Variants in STIM2 observed in about 807,000 individuals in gnomAD.
STIM2 encodes stromal interaction molecule 2.
STIM2 carries 31 observed loss-of-function variants against 85.8 expected under a neutral mutation model. That is an observed-to-expected ratio of 0.36 (90% CI 0.27 to 0.49). STIM2 has a LOEUF of 0.49. STIM2 is among the 20% of genes least tolerant of loss of function. The pLI, the probability that STIM2 is intolerant of heterozygous loss-of-function variation, is 0.98. For missense variants in STIM2, 841 were observed against 927.6 expected (o/e 0.91, Z 1.21); for synonymous variants, 356 against 331.1 (o/e 1.08, Z -0.82).
intron 3 of STIM2, among the ~76,000 whole-genome samples, chr4:26,981,301 G>A (rs1311839613): frequency 6.6e-6 from 1 of 152,152 alleles, no homozygotes; most frequent in Non-Finnish European, 1.5e-5. Context: ...AACAGTATTT[G>A]ATAGCTAATA....
rs147572762 is a variant in STIM2 at position 26,874,232 on chromosome 4, AG to A, written c.151+12867del. 723 of 443,946 alleles carry A rather than the reference AG, an allele frequency of 1.6e-3. 8 individuals carry two copies. Among genetic ancestry groups the A allele is most frequent in the African/African-American group, 0.014 (673 of 48,838 alleles). The allele number at this position is 443,946 out of a possible 1,614,324, so 27.5% of individuals were successfully genotyped here. ...TGCACAGGGAACCCAGGGCTGCGGCAGGGGTCTCCTGGATGGCTGGCCACAG... is the reference window on the plus strand; with the variant it reads ...TGCACAGGGAACCCAGGGCTGCGGCAGGGTCTCCTGGATGGCTGGCCACAG... On this transcript the variant is annotated intron_variant, in intron 1 of 11. Transcript: ENST00000467087.
chr4:26,861,320 C>G lies in STIM2; in HGVS notation c.102C>G (p.Ala34=), dbSNP rs1372594181. The G allele has an allele frequency of 1.1e-5, 15 of 1,405,278 alleles. No homozygotes were observed. The highest frequency in any genetic ancestry group is 3.0e-5 in the African/African-American group (2 of 66,584). 87.1% of individuals were successfully genotyped at this position (1,405,278 alleles called of 1,614,324 possible). The change falls in exon 1 of 12, where the codon GCC becomes GCG. Residue 34 remains alanine, a synonymous_variant. Coordinates refer to ENST00000467087, the MANE Select transcript of STIM2 (RefSeq NM_020860.4). ...GGGCGACTGGCTCTGCCGCAACTGC[C>G]GCCTCCTCTCCCGCCGCGGCGGCCG... is the stretch of plus-strand genomic sequence containing the variant.
At chr4:26,885,256 A>C (rs1419221986) in intron 1 of STIM2, among the ~76,000 whole-genome samples, 1 of 152,216 alleles carries the variant, frequency 6.6e-6, no homozygotes, top group Non-Finnish European at 1.5e-5. Context: ...TCAAATCATC[A>C]GTATACAGCT....
chr4:26,886,907 G>T (rs1293563748), intron 1 of STIM2, among the ~76,000 whole-genome samples: 1 of 152,126 alleles, frequency 6.6e-6, no homozygotes, highest in African/African-American at 2.4e-5. Flanking sequence ...GCTTTTGTCC[G>T]GGGAGAGAAA....
At chr4:26,903,091 A>C (rs1336561627) in intron 1 of STIM2, among the ~76,000 whole-genome samples, 4 of 152,122 alleles carry the variant, frequency 2.6e-5, no homozygotes, top group Non-Finnish European at 4.4e-5. Context: ...GGAACTAGTG[A>C]GAGTTCTACG....
intron 3 of STIM2, among the ~76,000 whole-genome samples, chr4:26,980,900 A>C (rs985077698): frequency 6.6e-6 from 1 of 152,224 alleles, no homozygotes; most frequent in Non-Finnish European, 1.5e-5. Context: ...ACGAGATTAC[A>C]TATTAGAAGC....
chr4:26,880,463 T>C (rs1487381527), intron 1 of STIM2, among the ~76,000 whole-genome samples: 2 of 151,940 alleles, frequency 1.3e-5, no homozygotes, highest in Admixed American at 6.6e-5. Context: ...TCTGTACTTA[T>C]CCACAGAAAT....
chr4:27,003,809 G>A (rs567442413), intron 7 of STIM2, among the ~76,000 whole-genome samples: 4 of 152,240 alleles, frequency 2.6e-5, no homozygotes, highest in South Asian at 4.2e-4. Flanking sequence ...AGGGGAGGAC[G>A]TGTTTCCTTG....
chr4:26,981,646 T>G (rs1727400762), intron 3 of STIM2, among the ~76,000 whole-genome samples: 1 of 152,200 alleles, frequency 6.6e-6, no homozygotes, highest in East Asian at 1.9e-4. Context: ...TTGTCCTATC[T>G]CTCTAGTTGT....
intron 1 of STIM2, among the ~76,000 whole-genome samples, chr4:26,890,074 G>C (rs777050278): frequency 7.9e-5 from 12 of 152,180 alleles, no homozygotes; most frequent in Non-Finnish European, 1.8e-4. Flanking sequence ...GCTGCCCAAA[G>C]TTCTGTCCAC....
intron 1 of STIM2, among the ~76,000 whole-genome samples, chr4:26,909,298 A>G (rs1724245230): frequency 6.6e-6 from 1 of 152,190 alleles, no homozygotes; most frequent in Non-Finnish European, 1.5e-5. Context: ...ACATTGATAT[A>G]TCATGTAATT....
chr4:26,975,403 C>G (rs7670520), intron 3 of STIM2, among the ~76,000 whole-genome samples: 148,432 of 152,290 alleles, frequency 0.97, 72,376 homozygotes, highest in East Asian at 1. Context: ...CTTTGATGTT[C>G]GTGACCTACA....
Position 26,882,017 on chromosome 4 carries a change from A to G in STIM2, c.151+20648A>G, listed in dbSNP as rs78893421. On this transcript the variant is annotated intron_variant, in intron 1 of 11. Transcript: ENST00000467087. ...GAAGGATTGTGTTTTTGAGTGCCCA[A>G]TAGTGTTTTTATTGAAACAGAATCT... Among the ~76,000 whole-genome samples, 614 of 152,308 alleles carry G rather than the reference A, an allele frequency of 4.0e-3. 7 individuals carry two copies. Among genetic ancestry groups the G allele is most frequent in the African/African-American group, 0.014 (582 of 41,564 alleles).
intron 1 of STIM2, among the ~76,000 whole-genome samples, chr4:26,891,565 AC>A (rs1723484787): frequency 3.9e-5 from 2 of 50,750 alleles, no homozygotes; most frequent in Admixed American, 2.4e-4. Flanking sequence ...ACATACACAC[AC>A]ACACACACAC....
At chr4:26,879,597 T>C (rs558497925) in intron 1 of STIM2, among the ~76,000 whole-genome samples, 1 of 152,342 alleles carries the variant, frequency 6.6e-6, no homozygotes, top group East Asian at 1.9e-4. Context: ...GTAGGTATTA[T>C]ATGTAGTAAT....
chr4:26,904,990 G>C (rs975379984), intron 1 of STIM2, among the ~76,000 whole-genome samples: 6 of 152,158 alleles, frequency 3.9e-5, no homozygotes, highest in African/African-American at 1.4e-4. Context: ...GTGGATGGTG[G>C]TTGAGTGGGT....
At chr4:26,965,419 A>C (rs954355028) in intron 3 of STIM2, among the ~76,000 whole-genome samples, 1 of 152,092 alleles carries the variant, frequency 6.6e-6, no homozygotes, top group Non-Finnish European at 1.5e-5. Context: ...ATTAGTTATA[A>C]TTGATTTTTG....
At chr4:26,898,112 A>C (rs1038840005) in intron 1 of STIM2, among the ~76,000 whole-genome samples, 1 of 152,236 alleles carries the variant, frequency 6.6e-6, no homozygotes, top group South Asian at 2.1e-4. Flanking sequence ...GAGAATTCAC[A>C]TAAGATTGAT....
intron 2 of STIM2, among the ~76,000 whole-genome samples, chr4:26,951,695 T>A (rs1253521753): frequency 6.6e-6 from 1 of 152,164 alleles, no homozygotes; most frequent in African/African-American, 2.4e-5. Context: ...AGGAGATTTT[T>A]TTCATTTGTT....
Sources: allele counts gnomAD v4.1 joint callset (sites outside exome capture counted in the v4.1 genomes callset), GRCh38; gene constraint gnomAD v4.1.1; transcripts MANE v1.5; gene names NCBI Gene and HGNC (gene_info 2026-07-23, HGNC 2026-07-21).